Variants in MRPL3 observed in about 807,000 individuals in gnomAD.
The protein encoded by MRPL3 is large ribosomal subunit protein uL3m.
In MRPL3, 43 loss-of-function variants were observed where a neutral mutation model predicts 44.3. That is an observed-to-expected ratio of 0.97 (90% CI 0.76 to 1.25). The LOEUF is 1.25. Among genes scored for constraint, MRPL3 ranks in the 50% most tolerant of loss-of-function variants. The pLI, the probability that MRPL3 is intolerant of heterozygous loss-of-function variation, is 0.00. For synonymous variants in MRPL3, 171 were observed against 152.3 expected, an observed-to-expected ratio of 1.12 and a Z score of -0.91; for missense variants, 406 against 427.6, an observed-to-expected ratio of 0.95 and a Z score of 0.45.
intron 6 of MRPL3, among the ~76,000 whole-genome samples, chr3:131,476,423 T>C (rs1559817979): frequency 6.6e-6 from 1 of 152,194 alleles, no homozygotes; most frequent in Non-Finnish European, 1.5e-5. Context: ...ATACTTAGTA[T>C]AGCCAGACAC....
intron 6 of MRPL3, among the ~76,000 whole-genome samples, chr3:131,483,061 A>G (rs1291253450): frequency 6.6e-6 from 1 of 150,962 alleles, no homozygotes; most frequent in African/African-American, 2.4e-5. Context: ...TAAACATCCT[A>G]TGCTGAGGAT....
chr3:131,492,931 C>T (rs1582717600), intron 4 of MRPL3, among the ~76,000 whole-genome samples: 1 of 152,194 alleles, frequency 6.6e-6, no homozygotes, highest in African/African-American at 2.4e-5. Context: ...GTCTTCCCCC[C>T]ACCTTAATTC....
chr3:131,499,104 A>T (rs1934436564), intron 3 of MRPL3, among the ~76,000 whole-genome samples: 1 of 152,224 alleles, frequency 6.6e-6, no homozygotes, highest in East Asian at 1.9e-4. Flanking sequence ...ATTGGAAAGT[A>T]TTGCCTGCTT....
At chr3:131,478,600 T>C (rs2110701810) in intron 6 of MRPL3, among the ~76,000 whole-genome samples, 1 of 152,244 alleles carries the variant, frequency 6.6e-6, no homozygotes, top group South Asian at 2.1e-4. Context: ...TTCATTTTGT[T>C]CCTTCTGCCT....
intron 4 of MRPL3, among the ~76,000 whole-genome samples, chr3:131,496,837 C>G (rs1027705701): frequency 6.6e-6 from 1 of 152,214 alleles, no homozygotes; most frequent in Non-Finnish European, 1.5e-5. Context: ...GAAAGCACCT[C>G]AAAGTCCGTA....
intron 4 of MRPL3, among the ~76,000 whole-genome samples, chr3:131,493,832 T>C (rs1258548687): frequency 6.6e-6 from 1 of 152,166 alleles, no homozygotes; most frequent in South Asian, 2.1e-4. Context: ...AAAGCAAGAA[T>C]AGCAGCAACT....
chr3:131,472,361 C>G (rs780692023), intron 6 of MRPL3, among the ~76,000 whole-genome samples: 10 of 152,010 alleles, frequency 6.6e-5, no homozygotes, highest in Non-Finnish European at 1.3e-4. Context: ...TTCTGTTAAC[C>G]CCATGATCCA....
chr3:131,501,524 T>G lies in MRPL3; in HGVS notation c.277+7A>C, dbSNP rs1252933546. The G allele has an allele frequency of 1.9e-6, 3 of 1,607,768 alleles. No homozygotes were observed. In the South Asian group the frequency reaches 3.3e-5, roughly 18 times the overall value. On this transcript the variant is annotated splice_region_variant and intron_variant, in intron 2 of 9. Transcript: ENST00000264995. Reference sequence around the variant, plus strand: ...AAATGAGAGCTCATCAAATACAAAATAATCACCTGGTTCCCAAGGATGTAT... The same window carrying G: ...AAATGAGAGCTCATCAAATACAAAAGAATCACCTGGTTCCCAAGGATGTAT...
chr3:131,501,399 CAAT>C, intron 2 of MRPL3, 129 bp downstream of exon 2: 1 of 830,354 alleles, frequency 1.2e-6, no homozygotes, highest in South Asian at 1.9e-5. Context: ...AAACAAACCA[CAAT>C]AAAACACACG....
chr3:131,471,121 G>A (rs1352992748), intron 7 of MRPL3, 50 bp downstream of exon 7: 1 of 1,282,486 alleles, frequency 7.8e-7, no homozygotes, highest in East Asian at 2.3e-5. Context: ...GACTACATGT[G>A]CAGAAGTTGA....
At chr3:131,491,877 C>A (rs1934262364) in intron 4 of MRPL3, among the ~76,000 whole-genome samples, 2 of 152,120 alleles carry the variant, frequency 1.3e-5, no homozygotes, top group Admixed American at 1.3e-4. Flanking sequence ...TATCATGTAT[C>A]TACAGTGGCT....
rs202095167 is a variant in MRPL3, at chr3:131,489,943, G to T, written c.568+38C>A. ...GACATTAAACAAATTGCATATTTGGGTATTTTTACCTCCCTCCTCTCCCCA... is the reference window on the plus strand; with the variant it reads ...GACATTAAACAAATTGCATATTTGGTTATTTTTACCTCCCTCCTCTCCCCA... On this transcript the variant is annotated intron_variant, in intron 5 of 9. Coordinates refer to ENST00000264995, the MANE Select transcript of MRPL3 (RefSeq NM_007208.4). 1.1e-5 allele frequency: 14 copies of T among 1,292,980 alleles called. No individual in the cohort carries two copies. In the East Asian group the frequency reaches 3.0e-4, roughly 28 times the overall value. The allele number at this position is 1,292,980 out of a possible 1,614,324, so 80.1% of individuals were successfully genotyped here.
chr3:131,474,452 GA>G (rs1304980860), intron 6 of MRPL3, among the ~76,000 whole-genome samples: 2 of 152,074 alleles, frequency 1.3e-5, no homozygotes, highest in Non-Finnish European at 2.9e-5. Context: ...TAGATAGAAG[GA>G]ATAAGTTCTG....
intron 9 of MRPL3, among the ~76,000 whole-genome samples, chr3:131,464,939 A>T (rs1933568097): frequency 1.3e-5 from 2 of 152,232 alleles, no homozygotes; most frequent in African/African-American, 4.8e-5. Context: ...CTACGGAGTC[A>T]CTGGAAGAAC....
At chr3:131,472,999 C>G (rs568649341) in intron 6 of MRPL3, among the ~76,000 whole-genome samples, 77 of 152,184 alleles carry the variant, frequency 5.1e-4, no homozygotes, top group African/African-American at 1.8e-3. Context: ...AAGTGGTCTA[C>G]AGATTTAATG....
intron 6 of MRPL3, among the ~76,000 whole-genome samples, chr3:131,474,292 C>T (rs1559816635): frequency 6.6e-6 from 1 of 152,076 alleles, no homozygotes. Context: ...ATACCAGACA[C>T]AGAAAGACAA....
intron 6 of MRPL3, among the ~76,000 whole-genome samples, chr3:131,472,479 T>C (rs1202396899): frequency 6.6e-6 from 1 of 152,156 alleles, no homozygotes; most frequent in Non-Finnish European, 1.5e-5. Context: ...AAAGGCCATA[T>C]ATGACAAACA....
At chr3:131,489,751 C>A (rs1934206883) in intron 5 of MRPL3, among the ~76,000 whole-genome samples, 1 of 151,314 alleles carries the variant, frequency 6.6e-6, no homozygotes, top group African/African-American at 2.4e-5. Context: ...ATATTAAACT[C>A]TCTCTACATT....
rs140531329 is a variant in MRPL3 at position 131,501,613 on chromosome 3, G to T, written c.195C>A (p.Val65=). The change falls in exon 2 of 10, where the codon GTC becomes GTA. Residue 65 remains valine (V), a synonymous_variant. Coordinates refer to ENST00000264995, the MANE Select transcript of MRPL3 (RefSeq NM_007208.4). ...CTAATTGGGCTTTATCTTCATCAGA[G>T]ACCAACTGCTTAATGAATGGGACAT... ...EENVPFIKQL[V]SDEDKAQLAS... is the part of the protein sequence containing the mutation. 1 of 1,612,608 alleles carries T rather than the reference G, an allele frequency of 6.2e-7. No individual in the cohort carries two copies.
Sources: allele counts gnomAD v4.1 joint callset (sites outside exome capture counted in the v4.1 genomes callset), GRCh38; gene constraint gnomAD v4.1.1; transcripts MANE v1.5; gene names NCBI Gene and HGNC (gene_info 2026-07-23, HGNC 2026-07-21).